The following PAX5 variants were observed in gnomAD, a reference collection of about 807,000 sequenced individuals.
PAX5 encodes the protein paired box 5.
A neutral mutation model predicts 43.7 loss-of-function variants in PAX5; 9 were observed. That is an observed-to-expected ratio of 0.21 (90% CI 0.12 to 0.36). The LOEUF is 0.36. PAX5 is among the 10% of genes least tolerant of loss of function. PAX5 has a pLI of 1.00. For synonymous variants in PAX5, 228 were observed against 214.3 expected, an observed-to-expected ratio of 1.06 and a Z score of -0.56; for missense variants, 383 against 532.7, an observed-to-expected ratio of 0.72 and a Z score of 2.77.
chr9:36,878,976 CAG>C (rs1290629534), intron 8 of PAX5, among the ~76,000 whole-genome samples: 1 of 152,182 alleles, frequency 6.6e-6, no homozygotes, highest in Non-Finnish European at 1.5e-5. Flanking sequence ...GAAGAGGAGA[CAG>C]AGAGATGCAG....
chr9:36,950,397 C>T (rs1415145716), intron 6 of PAX5, among the ~76,000 whole-genome samples: 5 of 152,224 alleles, frequency 3.3e-5, no homozygotes, highest in Non-Finnish European at 5.9e-5. Context: ...CAACCACATG[C>T]GTCACAGAAT....
intron 4 of PAX5, among the ~76,000 whole-genome samples, chr9:37,005,920 A>T (rs1055865653): frequency 6.6e-6 from 1 of 152,076 alleles, no homozygotes; most frequent in South Asian, 2.1e-4. Context: ...GGTCACAGCC[A>T]CTCTCAGACG....
intron 6 of PAX5, among the ~76,000 whole-genome samples, chr9:36,929,020 T>G (rs1349094195): frequency 6.6e-6 from 1 of 152,198 alleles, no homozygotes; most frequent in Non-Finnish European, 1.5e-5. Context: ...TCAAATTCAG[T>G]GTTCAACCAC....
At chr9:36,962,978 T>C (rs1211665426) in intron 6 of PAX5, among the ~76,000 whole-genome samples, 1 of 152,248 alleles carries the variant, frequency 6.6e-6, no homozygotes, top group African/African-American at 2.4e-5. Context: ...TCAAGGAACC[T>C]GTACCCTTGA....
intron 8 of PAX5, among the ~76,000 whole-genome samples, chr9:36,863,912 C>T (rs1325671693): frequency 6.6e-6 from 1 of 152,184 alleles, no homozygotes; most frequent in African/African-American, 2.4e-5. Flanking sequence ...AGCTCAAGAC[C>T]AGCCTGGCCA....
chr9:36,979,739 T>G (rs1463207107), intron 5 of PAX5, among the ~76,000 whole-genome samples: 2 of 152,140 alleles, frequency 1.3e-5, no homozygotes, highest in African/African-American at 4.8e-5. Context: ...GAGGCCAATC[T>G]CCAGGCAATT....
intron 5 of PAX5, among the ~76,000 whole-genome samples, chr9:36,981,192 C>CG (rs373521078): frequency 4.0e-5 from 6 of 149,890 alleles, no homozygotes; most frequent in East Asian, 2.0e-4. Flanking sequence ...AAAGCCCCCC[C>CG]CCCCTCAGCC....
At chr9:36,986,538 A>G (rs1048411730) in intron 5 of PAX5, among the ~76,000 whole-genome samples, 1 of 151,998 alleles carries the variant, frequency 6.6e-6, no homozygotes, top group African/African-American at 2.4e-5. Context: ...TCTTTGCGCC[A>G]CGTTCGGCCG....
At chr9:36,881,088 A>G (rs118093444) in intron 8 of PAX5, among the ~76,000 whole-genome samples, 1 of 152,366 alleles carries the variant, frequency 6.6e-6, no homozygotes, top group East Asian at 1.9e-4. Flanking sequence ...CTACAAAGAA[A>G]TGATGAACAT....
chr9:36,866,183 C>T (rs1032057909), intron 8 of PAX5, among the ~76,000 whole-genome samples: 2 of 152,234 alleles, frequency 1.3e-5, no homozygotes, highest in Admixed American at 6.5e-5. Context: ...CGGGCCTCAC[C>T]AGGGAGCGTT....
intron 1 of PAX5, chr9:37,026,607 C>T: frequency 1.5e-6 from 2 of 1,350,150 alleles, no homozygotes; most frequent in South Asian, 2.5e-5. Context: ...CCGGCCCACG[C>T]CGCCGCCTCC....
At chr9:36,843,698 T>C (rs1822293867) in intron 9 of PAX5, among the ~76,000 whole-genome samples, 1 of 152,160 alleles carries the variant, frequency 6.6e-6, no homozygotes, top group Non-Finnish European at 1.5e-5. Context: ...CCCTTGCTGC[T>C]AGGGCACAGG....
chr9:36,856,647 C>T (rs1823698507), intron 8 of PAX5: 1 of 152,150 alleles, frequency 6.6e-6, no homozygotes, highest in Non-Finnish European at 1.5e-5. Context: ...ACGCCATTCT[C>T]CTGCCTCAGC....
At chr9:36,881,698 C>T (rs190696444) in intron 8 of PAX5, among the ~76,000 whole-genome samples, 13 of 152,124 alleles carry the variant, frequency 8.5e-5, no homozygotes, top group Admixed American at 3.3e-4. Context: ...GCTCGCTCCA[C>T]ACCGGCTGGG....
intron 1 of PAX5, among the ~76,000 whole-genome samples, chr9:37,025,643 C>A (rs1208435569): frequency 1.3e-5 from 2 of 152,208 alleles, no homozygotes; most frequent in Non-Finnish European, 2.9e-5. Context: ...CGTTAACTCA[C>A]CGTGAGAGGA....
At chr9:36,859,076 A>T (rs1823941837) in intron 8 of PAX5, among the ~76,000 whole-genome samples, 1 of 152,128 alleles carries the variant, frequency 6.6e-6, no homozygotes, top group Non-Finnish European at 1.5e-5. Flanking sequence ...CTCGGGGTTC[A>T]CTGTGTGCTG....
chr9:36,907,128 C>A (rs560540940), intron 7 of PAX5, among the ~76,000 whole-genome samples: 1 of 152,276 alleles, frequency 6.6e-6, no homozygotes, highest in Non-Finnish European at 1.5e-5. Context: ...GAAAACCATA[C>A]CTCCAGTTAC....
At chr9:37,019,079 C>A (rs890735552) in intron 2 of PAX5, among the ~76,000 whole-genome samples, 1 of 152,074 alleles carries the variant, frequency 6.6e-6, no homozygotes, top group Non-Finnish European at 1.5e-5. Context: ...TATCTAGGAG[C>A]CTTTTGGTTC....
intron 5 of PAX5, among the ~76,000 whole-genome samples, chr9:36,972,903 C>G (rs1835037289): frequency 6.6e-6 from 1 of 151,784 alleles, no homozygotes; most frequent in African/African-American, 2.4e-5. Context: ...TGGCGGGAGC[C>G]TGTAATCCCA....
Sources: gnomAD v4.1 joint callset for allele counts (sites outside exome capture counted in the v4.1 genomes callset) on GRCh38, gnomAD v4.1.1 for gene constraint, MANE v1.5 for transcripts, NCBI Gene and HGNC (gene_info 2026-07-23, HGNC 2026-07-21) for gene names.